Variants in SUPT5H observed in about 807,000 individuals in gnomAD.
SUPT5H encodes transcription elongation factor SPT5.
A neutral mutation model predicts 142.5 loss-of-function variants in SUPT5H; 24 were observed. That is an observed-to-expected ratio of 0.17 (90% CI 0.12 to 0.24). The LOEUF is 0.24. SUPT5H is among the 10% of genes least tolerant of loss of function. The probability of loss-of-function intolerance (pLI) is 1.00; values close to 1 mark genes in which losing one functional copy is unlikely to be tolerated. For missense variants in SUPT5H, 893 were observed against 1,471.8 expected, an observed-to-expected ratio of 0.61 and a Z score of 6.43; for synonymous variants, 546 against 553.0, an observed-to-expected ratio of 0.99 and a Z score of 0.18.
rs961879544 is a variant in SUPT5H, at chr19:39,470,037, G to A, written c.1375-82G>A. The A allele has an allele frequency of 1.8e-5, 28 of 1,540,756 alleles. No homozygotes were observed. Among genetic ancestry groups the A allele is most frequent in the African/African-American group, 5.5e-5 (4 of 72,874 alleles). On this transcript the variant is annotated intron_variant, in intron 16 of 29. Coordinates refer to ENST00000432763, the MANE Select transcript of SUPT5H (RefSeq NM_001111020.3). The surrounding 1 kb of genome is among the most constrained non-coding windows in gnomAD (Gnocchi z 5.8). The stretch of plus-strand genomic sequence containing the variant: ...TGAAGTGGGGTTTTTGAGAACATGC[G>A]TAGATTCTGAAGACAGGAGGGGCAG...
chr19:39,460,063 G>A (rs1347512430), intron 10 of SUPT5H, 103 bp downstream of exon 10: 2 of 1,212,834 alleles, frequency 1.6e-6, no homozygotes, highest in Non-Finnish European at 2.4e-6. Flanking sequence ...TGTGAGCAGA[G>A]CTGCCTGCTG....
rs774916268 is a variant in SUPT5H at position 39,459,845 on chromosome 19, T to A, written c.556-47T>A. 1.1e-5 allele frequency: 17 copies of A among 1,601,896 alleles called. No homozygotes were observed. The Middle Eastern group carries it at 6.6e-4, about 62-fold the overall frequency. ...GTCTCCTTCCCCCTTTCCTGTGTCC[T>A]TTCCTCCATCCTGTCATCTCTCTCA... On this transcript the variant is annotated intron_variant, in intron 9 of 29. Transcript: ENST00000432763.
In SUPT5H at chr19:39,472,368, C is replaced by A; in HGVS notation, c.1951-41C>A. 6.3e-7 allele frequency: 1 copy of A among 1,598,318 alleles called. No individual in the cohort carries two copies. The highest frequency in any genetic ancestry group is 8.6e-7 in the Non-Finnish European group (1 of 1,166,484). On this transcript the variant is annotated intron_variant, in intron 20 of 29. Coordinates refer to ENST00000432763, the MANE Select transcript of SUPT5H (RefSeq NM_001111020.3). This position sits in a 1 kb window ranked among gnomAD's most constrained non-coding sequence, Gnocchi z 4.2. ...TGAGTTCCTGTGGTTTGTGGTTCCC[C>A]CATCCCCTGCCTGCCAGTTCACTCC...
chr19:39,471,114 T>G (rs933607240), intron 18 of SUPT5H, among the ~76,000 whole-genome samples: 1 of 152,194 alleles, frequency 6.6e-6, no homozygotes. Flanking sequence ...AGGTCCCTGT[T>G]GCCCAATCGG....
Position 39,466,813 on chromosome 19 carries a change from G to T in SUPT5H, c.1037+68G>T, listed in dbSNP as rs2079244720. The T allele has an allele frequency of 1.3e-6, 2 of 1,533,288 alleles. No individual in the cohort carries two copies. Among genetic ancestry groups the T allele is most frequent in the Non-Finnish European group, 9.0e-7 (1 of 1,107,386 alleles). 95.0% of individuals were successfully genotyped at this position (1,533,288 alleles called of 1,614,324 possible). A position where few individuals can be genotyped will look rare whatever the true frequency, so the allele number is the denominator to read the frequency against. ...GGTGTGTAGAATGTGCCTTTTGCAGGTTCCTCCCCAGGGGTGGCCCCGCCA... is the reference window on the plus strand; with the variant it reads ...GGTGTGTAGAATGTGCCTTTTGCAGTTTCCTCCCCAGGGGTGGCCCCGCCA... On this transcript the variant is annotated intron_variant, in intron 13 of 29. Transcript: ENST00000432763. This position sits in a 1 kb window ranked among gnomAD's most constrained non-coding sequence, Gnocchi z 4.3.
At chr19:39,467,153 C>A (rs926516079) in intron 13 of SUPT5H, 1 of 154,778 alleles carries the variant, frequency 6.5e-6, no homozygotes, top group African/African-American at 2.4e-5. Flanking sequence ...GAGGCCGAGG[C>A]GGGCGGATCA....
intron 3 of SUPT5H, among the ~76,000 whole-genome samples, chr19:39,455,212 G>A (rs1207398156): frequency 6.6e-6 from 1 of 152,120 alleles, no homozygotes; most frequent in African/African-American, 2.4e-5. Context: ...CTGTGGGAGA[G>A]CTCTGAGTTA....
In SUPT5H at chr19:39,445,869, T is replaced by C; in HGVS notation, c.-22T>C. 2 of 1,612,310 alleles carry C rather than the reference T, an allele frequency of 1.2e-6. No individual in the cohort carries two copies. Among genetic ancestry groups the C allele is most frequent in the Non-Finnish European group, 1.7e-6 (2 of 1,179,434 alleles). On this transcript the variant is annotated 5_prime_UTR_variant, in exon 2 of 30. Transcript: ENST00000432763. Reference sequence around the variant, plus strand: ...ATTGTGGGACGCGCCAAGGCTGCTGTCTTTCCCAGCAGCAGCGGAAGATGT... The same window carrying C: ...ATTGTGGGACGCGCCAAGGCTGCTGCCTTTCCCAGCAGCAGCGGAAGATGT...
chr19:39,452,346 A>C (rs2079032183), intron 2 of SUPT5H, among the ~76,000 whole-genome samples: 2 of 152,318 alleles, frequency 1.3e-5, no homozygotes, highest in African/African-American at 4.8e-5. Context: ...CATGGAAAGT[A>C]AAATGGACAG....
chr19:39,473,856 C>A lies in SUPT5H; in HGVS notation c.2493-107C>A. The A allele has an allele frequency of 2.0e-6, 3 of 1,464,992 alleles. No individual in the cohort carries two copies. The highest frequency in any genetic ancestry group is 1.9e-6 in the Non-Finnish European group (2 of 1,051,520). 90.7% of individuals were successfully genotyped at this position (1,464,992 alleles called of 1,614,324 possible). On this transcript the variant is annotated intron_variant, in intron 25 of 29. Transcript: ENST00000432763. This position sits in a 1 kb window ranked among gnomAD's most constrained non-coding sequence, Gnocchi z 5.8. ...CAGGAGTGCCTCTGGATGGGGCTCCCGTGAGAATGAAATTGCTTCAGTTGG... is the reference window on the plus strand; with the variant it reads ...CAGGAGTGCCTCTGGATGGGGCTCCAGTGAGAATGAAATTGCTTCAGTTGG...
At chr19:39,453,178 G>C (rs754073982) in intron 2 of SUPT5H, among the ~76,000 whole-genome samples, 178 bp from the exon 3 acceptor site, 1 of 152,134 alleles carries the variant, frequency 6.6e-6, no homozygotes, top group African/African-American at 2.4e-5. Flanking sequence ...TGGCAGTGCT[G>C]TCGCTGAGAT....
At position 39,458,277 on chromosome 19, in the gene SUPT5H, C is replaced by A; in HGVS notation, c.308-17C>A. ...ACCACCACCACCACCACCACCACCT[C>A]CTCTTCCTCCAAGTAGAAGAGATTG... On this transcript the variant is annotated splice_polypyrimidine_tract_variant and intron_variant, in intron 4 of 29. Transcript: ENST00000432763. The surrounding 1 kb of genome is among the most constrained non-coding windows in gnomAD (Gnocchi z 4.2). The A allele has an allele frequency of 8.7e-7, 1 of 1,143,882 alleles. No individual in the cohort carries two copies. 70.9% of individuals were successfully genotyped at this position (1,143,882 alleles called of 1,614,324 possible).
chr19:39,463,290 C>T (rs938627986), intron 10 of SUPT5H, among the ~76,000 whole-genome samples: 1 of 152,160 alleles, frequency 6.6e-6, no homozygotes, highest in African/African-American at 2.4e-5. Context: ...GCATGAGCCA[C>T]CGCTCCTGGC....
intron 3 of SUPT5H, among the ~76,000 whole-genome samples, chr19:39,454,148 A>G (rs2079055946): frequency 6.6e-6 from 1 of 152,224 alleles, no homozygotes; most frequent in Non-Finnish European, 1.5e-5. Context: ...GCTGTGAAAG[A>G]GCCAGTGACA....
rs541009105 is a variant in SUPT5H, at chr19:39,463,490, T to C, written c.625-1308T>C. On this transcript the variant is annotated intron_variant, in intron 10 of 29. Coordinates refer to ENST00000432763, the MANE Select transcript of SUPT5H (RefSeq NM_001111020.3). ...TATACTTTATATGATTTTAGTTCTT[T>C]TATGTTTACTGAGACGTGTTTTATG... 4.6e-5 allele frequency among the ~76,000 whole-genome samples: 7 copies of C among 152,356 alleles called. No individual in the cohort carries two copies. The East Asian group carries it at 1.3e-3, about 29-fold the overall frequency.
chr19:39,465,267 G>A (rs763793765), intron 11 of SUPT5H, among the ~76,000 whole-genome samples: 7 of 152,240 alleles, frequency 4.6e-5, no homozygotes, highest in Non-Finnish European at 7.3e-5. Flanking sequence ...ATCGGAGGGC[G>A]TGAGGCATGT....
rs763429756 is a variant in SUPT5H, at chr19:39,476,443, C to T, written c.*44C>T. On this transcript the variant is annotated 3_prime_UTR_variant, in exon 30 of 30. Coordinates refer to ENST00000432763, the MANE Select transcript of SUPT5H (RefSeq NM_001111020.3). ...ACTTCGTCGGATGAAGAGTGATCCTCCTTCCTTCCCTGGCCCTTGGCTGTG... is the reference window on the plus strand; with the variant it reads ...ACTTCGTCGGATGAAGAGTGATCCTTCTTCCTTCCCTGGCCCTTGGCTGTG... The T allele has an allele frequency of 9.3e-6, 15 of 1,609,390 alleles. No homozygotes were observed. The highest frequency in any genetic ancestry group is 7.6e-6 in the Non-Finnish European group (9 of 1,178,098).
Position 39,459,187 on chromosome 19 carries a change from G to A in SUPT5H, c.462G>A (p.Val154=), listed in dbSNP as rs1381190530. 8 of 1,595,212 alleles carry A rather than the reference G, an allele frequency of 5.0e-6. No homozygotes were observed. Among genetic ancestry groups the A allele is most frequent in the Non-Finnish European group, 6.8e-6 (8 of 1,170,528 alleles). ...KYAKSSVGET[V]YGGSDELSDD... Reference sequence around the variant, plus strand: ...CTGACTGCCCTCCTCCCTTCAGGGTGTATGGAGGATCTGATGAGCTCTCAG... The same window carrying A: ...CTGACTGCCCTCCTCCCTTCAGGGTATATGGAGGATCTGATGAGCTCTCAG... The change falls in exon 8 of 30, where the codon GTG becomes GTA. Residue 154 remains valine (V), a synonymous_variant. Transcript: ENST00000432763.
Position 39,458,748 on chromosome 19 carries a change from C to G in SUPT5H, c.320-70C>G. 1 of 1,439,708 alleles carries G rather than the reference C, an allele frequency of 6.9e-7. No homozygotes were observed. The highest frequency in any genetic ancestry group is 9.5e-7 in the Non-Finnish European group (1 of 1,055,818). 89.2% of individuals were successfully genotyped at this position (1,439,708 alleles called of 1,614,324 possible). ...CCAAACCCTGGCCCTCTTAGCTGCA[C>G]GCTCCTATTTTCTCCAGGCCCCTGC... On this transcript the variant is annotated intron_variant, in intron 5 of 29. Coordinates refer to ENST00000432763, the MANE Select transcript of SUPT5H (RefSeq NM_001111020.3). This position sits in a 1 kb window ranked among gnomAD's most constrained non-coding sequence, Gnocchi z 4.2.
Sources: gnomAD v4.1 joint callset for allele counts (sites outside exome capture counted in the v4.1 genomes callset) on GRCh38, gnomAD v4.1.1 for gene constraint, Gnocchi (gnomAD v3.1) non-coding constraint, MANE v1.5 for transcripts, NCBI Gene and HGNC (gene_info 2026-07-23, HGNC 2026-07-21) for gene names.